Variants in CALN1 observed in about 807,000 individuals in gnomAD.
The protein encoded by CALN1 is calneuron 1.
CALN1 carries 17 observed loss-of-function variants against 30.6 expected under a neutral mutation model. The ratio of observed to expected loss-of-function variants is 0.56; its 90% CI spans 0.38 to 0.83. CALN1 has a LOEUF of 0.83. CALN1 is among the 40% of genes least tolerant of loss of function. CALN1 has a pLI of 0.00. For missense variants in CALN1, 291 were observed against 354.9 expected (o/e 0.82, Z 1.45); for synonymous variants, 156 against 131.4 (o/e 1.19, Z -1.28).
At chr7:72,146,618 C>G (rs184676910) in intron 3 of CALN1, among the ~76,000 whole-genome samples, 58 of 152,192 alleles carry the variant, frequency 3.8e-4, no homozygotes, top group African/African-American at 1.2e-3. Flanking sequence ...AAAAAAACTA[C>G]TTTAAAGTTC....
intron 3 of CALN1, among the ~76,000 whole-genome samples, chr7:72,247,017 G>A (rs1483879076): frequency 3.9e-5 from 6 of 151,972 alleles, no homozygotes; most frequent in Non-Finnish European, 2.9e-5. Flanking sequence ...GCCTCCCGAA[G>A]TGCTGGGATT....
intron 1 of CALN1, among the ~76,000 whole-genome samples, chr7:72,425,882 G>A (rs1049072749): frequency 2.6e-5 from 4 of 152,110 alleles, no homozygotes; most frequent in East Asian, 1.9e-4. Context: ...GCTACCTGTC[G>A]GCTTTGGGAA....
intron 4 of CALN1, among the ~76,000 whole-genome samples, chr7:72,029,362 C>A (rs1410100499): frequency 6.6e-6 from 1 of 152,156 alleles, no homozygotes; most frequent in Non-Finnish European, 1.5e-5. Flanking sequence ...GATCCGCCCA[C>A]CTCAGCCTCC....
chr7:72,377,470 T>TGTGTGC (rs1193916636), intron 2 of CALN1, among the ~76,000 whole-genome samples: 2 of 151,376 alleles, frequency 1.3e-5, no homozygotes, highest in Non-Finnish European at 3.0e-5. Context: ...TGTGTGTGTG[T>TGTGTGC]GTGTTTGCAT....
rs550803140 is a variant in CALN1, at chr7:72,403,397, A to G, written c.-28T>C. 5 of 1,523,396 alleles carry G rather than the reference A, an allele frequency of 3.3e-6. No homozygotes were observed. The East Asian group carries it at 7.4e-5, about 22-fold the overall frequency. The allele number at this position is 1,523,396 out of a possible 1,614,324, so 94.4% of individuals were successfully genotyped here. A position where few individuals can be genotyped will look rare whatever the true frequency, so the allele number is the denominator to read the frequency against. The stretch of plus-strand genomic sequence containing the variant: ...GGGGTCCAGGGCGATGTTCTCAGAG[A>G]GAGTTAGAAGCTCATCAAAGGAACG... On this transcript the variant is annotated 5_prime_UTR_variant, in exon 2 of 7. Coordinates refer to ENST00000395275, the MANE Select transcript of CALN1 (RefSeq NM_031468.4).
chr7:72,346,967 A>T (rs1384541081), intron 2 of CALN1, among the ~76,000 whole-genome samples: 1 of 152,200 alleles, frequency 6.6e-6, no homozygotes, highest in Non-Finnish European at 1.5e-5. Context: ...ATATCCTGCT[A>T]ATGTGTGAGA....
At chr7:72,186,059 A>T (rs1418223173) in intron 3 of CALN1, among the ~76,000 whole-genome samples, 1 of 152,080 alleles carries the variant, frequency 6.6e-6, no homozygotes, top group Non-Finnish European at 1.5e-5. Flanking sequence ...GGGTGAGAGA[A>T]GGAGAGGTAA....
intron 4 of CALN1, among the ~76,000 whole-genome samples, chr7:72,102,559 G>C (rs1806753864): frequency 6.6e-6 from 1 of 152,116 alleles, no homozygotes; most frequent in Admixed American, 6.5e-5. Context: ...CAGTGGAATA[G>C]GAATATGGCC....
chr7:72,146,797 C>A (rs930584912), intron 3 of CALN1, among the ~76,000 whole-genome samples: 2 of 152,090 alleles, frequency 1.3e-5, no homozygotes, highest in Admixed American at 1.3e-4. Flanking sequence ...CAGAACAGAG[C>A]CCTCAGAAAT....
intron 5 of CALN1, among the ~76,000 whole-genome samples, chr7:71,875,736 G>A (rs577094945): frequency 6.6e-6 from 1 of 151,958 alleles, no homozygotes; most frequent in East Asian, 1.9e-4. Context: ...GGGTAAGGGG[G>A]CCCAGCTAGG....
intron 5 of CALN1, among the ~76,000 whole-genome samples, chr7:71,939,577 A>C (rs1796018593): frequency 6.6e-6 from 1 of 151,910 alleles, no homozygotes; most frequent in African/African-American, 2.4e-5. Context: ...TGTCTCAAAA[A>C]AAAAAAAAAA....
At chr7:71,958,115 A>T (rs1316170126) in intron 5 of CALN1, among the ~76,000 whole-genome samples, 1 of 150,700 alleles carries the variant, frequency 6.6e-6, no homozygotes, top group Non-Finnish European at 1.5e-5. Context: ...AAAGAAAAAA[A>T]AAGAAAGTGC....
intron 5 of CALN1, among the ~76,000 whole-genome samples, chr7:71,898,943 C>CA (rs1481664708): frequency 1.3e-5 from 2 of 151,960 alleles, no homozygotes; most frequent in Non-Finnish European, 2.9e-5. Flanking sequence ...AATTAGAAGA[C>CA]AAAATTACAG....
chr7:72,400,228 C>T (rs550181268), intron 2 of CALN1, among the ~76,000 whole-genome samples: 76 of 152,304 alleles, frequency 5.0e-4, no homozygotes, highest in African/African-American at 1.8e-3. Flanking sequence ...GCAGCAGCTA[C>T]GTTCATGCAT....
rs1479889638 is a variant in CALN1, at chr7:72,122,693, T to C, written c.245-16399A>G. ...GTGAACTGTGATCACGCCGCTGCAC[T>C]CCAGCCTGGATGACAGAGCAAGACA... On this transcript the variant is annotated intron_variant, in intron 3 of 6. Transcript: ENST00000395275. Among the ~76,000 whole-genome samples the C allele has an allele frequency of 5.3e-5, 8 of 152,258 alleles. No homozygotes were observed. The East Asian group carries it at 9.7e-4, about 18-fold the overall frequency.
chr7:72,487,713 A>AAAAG, the CALN1 span, among the ~76,000 whole-genome samples: 1,905 of 67,812 alleles, frequency 0.028, 63 homozygotes, highest in Non-Finnish European at 0.034. Context: ...AAAAGAAAAG[A>AAAAG]AAAGAAAGAA....
intron 3 of CALN1, among the ~76,000 whole-genome samples, chr7:72,113,076 G>T (rs10225060): frequency 1.3e-5 from 2 of 151,938 alleles, no homozygotes; most frequent in East Asian, 1.9e-4. Flanking sequence ...AATTGCACTA[G>T]GGCGATGCTA....
chr7:72,135,028 G>C (rs748908273), intron 3 of CALN1, among the ~76,000 whole-genome samples: 17 of 152,164 alleles, frequency 1.1e-4, no homozygotes, highest in Non-Finnish European at 2.2e-4. Flanking sequence ...TCCATAAGAA[G>C]CAACTCCGCA....
chr7:72,067,405 G>A (rs937101345), intron 4 of CALN1, among the ~76,000 whole-genome samples: 2 of 151,858 alleles, frequency 1.3e-5, no homozygotes, highest in Admixed American at 1.3e-4. Flanking sequence ...ACCATGCCCA[G>A]CCAATTTTTT....
Sources: allele counts gnomAD v4.1 joint callset (sites outside exome capture counted in the v4.1 genomes callset), GRCh38; gene constraint gnomAD v4.1.1; transcripts MANE v1.5; gene names NCBI Gene and HGNC (gene_info 2026-07-23, HGNC 2026-07-21).